DHX33: variants seen among roughly 807,000 people sequenced by gnomAD.
DHX33 encodes the protein ATP-dependent RNA helicase DHX33.
A neutral mutation model predicts 72.5 loss-of-function variants in DHX33; 42 were observed. That is an observed-to-expected ratio of 0.58 (90% CI 0.45 to 0.75). The LOEUF is 0.75. Among genes scored for constraint, DHX33 ranks in the 30% least tolerant of loss-of-function variants. The pLI is 0.00. For missense variants in DHX33, 842 were observed against 917.5 expected (o/e 0.92, Z 1.06); for synonymous variants, 358 against 366.1 (o/e 0.98, Z 0.25).
rs1398611635 is a variant in DHX33 at position 5,444,200 on chromosome 17, G to A, written c.*5C>T. On this transcript the variant is annotated 3_prime_UTR_variant, in exon 12 of 12. Transcript: ENST00000225296. This position sits in a 1 kb window ranked among gnomAD's most constrained non-coding sequence, Gnocchi z 4.9. ...CCAGTGATTCTGGCGGCATCCTGGG[G>A]CGGCTCAGTTTCTGGCGGTTCTCAG... The A allele has an allele frequency of 1.2e-6, 2 of 1,610,170 alleles. No homozygotes were observed. The highest frequency in any genetic ancestry group is 1.7e-6 in the Non-Finnish European group (2 of 1,176,910).
chr17:5,453,634 C>T lies in DHX33; in HGVS notation c.1342G>A (p.Ala448Thr), dbSNP rs1055288117. 5.6e-6 allele frequency: 9 copies of T among 1,614,044 alleles called. No homozygotes were observed. Among genetic ancestry groups the T allele is most frequent in the Admixed American group, 5.0e-5 (3 of 59,992 alleles). The change falls in exon 8 of 12, where the codon GCA becomes ACA. Residue 448 changes from alanine to threonine, a missense_variant. Transcript: ENST00000225296. The part of the protein sequence containing the change: ...NLASVMLQLL[A>T]MKVPNVLTFD... ...GTGAGCACATTTGGGACTTTCATTG[C>T]TAGAAGCTGAAGCATCACACTGGCC...
rs1567598009 is a variant in DHX33 at position 5,450,135 on chromosome 17, A to G, written c.1728+68T>C. On this transcript the variant is annotated intron_variant, in intron 10 of 11. Transcript: ENST00000225296. Reference sequence around the variant, plus strand: ...AGCGTACTTTTTGCACGGCTTCAGTAGAAAAAGGGAAGCACATAGCAGAGA... The same window carrying G: ...AGCGTACTTTTTGCACGGCTTCAGTGGAAAAAGGGAAGCACATAGCAGAGA... The G allele has an allele frequency of 3.2e-6, 5 of 1,575,654 alleles. No individual in the cohort carries two copies. The East Asian group carries it at 1.1e-4, about 36-fold the overall frequency.
At chr17:5,455,856 C>T (rs925205481) in intron 5 of DHX33, 141 bp downstream of exon 5, 1 of 861,786 alleles carries the variant, frequency 1.2e-6, no homozygotes, top group Non-Finnish European at 1.8e-6. Context: ...TTTATTCCTG[C>T]ACCTCCTCAG....
rs1170744011 is a variant in DHX33, at chr17:5,456,178, G to A, written c.854C>T (p.Ala285Val). ...LVSVFQIHQE[A>V]PSSQDILVFL... ...CACCAGGATGTCCTGTGAAGAAGGG[G>A]CTTCCTGTAAAAAAAGTAGAGTGGG... The change falls in exon 5 of 12, where the codon GCC becomes GTC. Residue 285 changes from alanine (A) to valine (V), a missense_variant. Transcript: ENST00000225296. The A allele has an allele frequency of 6.2e-7, 1 of 1,613,506 alleles. No individual in the cohort carries two copies. The highest frequency in any genetic ancestry group is 1.3e-5 in the African/African-American group (1 of 75,034).
chr17:5,453,212 G>C (rs577551693), intron 8 of DHX33, among the ~76,000 whole-genome samples: 1 of 152,140 alleles, frequency 6.6e-6, no homozygotes, highest in Non-Finnish European at 1.5e-5. Flanking sequence ...TTTATTGATG[G>C]TGCTGATAGT....
chr17:5,453,977 C>A lies in DHX33; in HGVS notation c.1151G>T (p.Ser384Ile), dbSNP rs780927551. The change falls in exon 7 of 12, where the codon AGT becomes ATT. Residue 384 changes from serine (S) to isoleucine (I), a missense_variant. By Grantham distance (142) the Ser-to-Ile change is moderately radical (BLOSUM62 -2). Coordinates refer to ENST00000225296, the MANE Select transcript of DHX33 (RefSeq NM_020162.4). ...MVKAKKYNPD[S>I]GLEVLAVQRV... The stretch of plus-strand genomic sequence containing the variant: ...CTGCACTGCTAACACCTCAAGACCA[C>A]TGTCTGGATGGAGAGTGAGCCCCAT... 6.2e-7 allele frequency: 1 copy of A among 1,613,418 alleles called. No homozygotes were observed.
At chr17:5,452,750 C>G (rs142106144) in intron 8 of DHX33, among the ~76,000 whole-genome samples, 1 of 152,068 alleles carries the variant, frequency 6.6e-6, no homozygotes, top group African/African-American at 2.4e-5. Context: ...TAAATAAAAT[C>G]AAACACACTA....
intron 3 of DHX33, among the ~76,000 whole-genome samples, chr17:5,461,838 C>T (rs912178684): frequency 4.0e-5 from 6 of 150,434 alleles, no homozygotes; most frequent in Non-Finnish European, 5.9e-5. Context: ...CGTGAGCCAC[C>T]GTGCCGGGCC....
At chr17:5,452,508 C>A (rs1916982520) in intron 8 of DHX33, among the ~76,000 whole-genome samples, 1 of 152,056 alleles carries the variant, frequency 6.6e-6, no homozygotes. Flanking sequence ...CCACTGCACT[C>A]CAGCCTGGGC....
chr17:5,444,734 C>A lies in DHX33; in HGVS notation c.1816-221G>T, dbSNP rs545735982. Among the ~76,000 whole-genome samples the A allele has an allele frequency of 6.6e-6, 1 of 152,294 alleles. No individual in the cohort carries two copies. Among genetic ancestry groups the A allele is most frequent in the South Asian group, 2.1e-4 (1 of 4,824 alleles). On this transcript the variant is annotated intron_variant, in intron 11 of 11. Transcript: ENST00000225296. This position sits in a 1 kb window ranked among gnomAD's most constrained non-coding sequence, Gnocchi z 4.9. The stretch of plus-strand genomic sequence containing the variant: ...CACGGACCAGAAACAGGGAAACTAC[C>A]GCCTGTGAAGGTAGGGCTGGGAGGG...
At chr17:5,447,793 C>T in intron 11 of DHX33, among the ~76,000 whole-genome samples, 1 of 152,168 alleles carries the variant, frequency 6.6e-6, no homozygotes, top group Non-Finnish European at 1.5e-5. Flanking sequence ...AAATAAACTG[C>T]ACTGAATACA....
In DHX33 at chr17:5,442,460, G is replaced by A. The variant is rs868577456; in HGVS notation, c.*1745C>T. The A allele has an allele frequency of 6.6e-6, 1 of 152,102 alleles. No individual in the cohort carries two copies. Among genetic ancestry groups the A allele is most frequent in the Middle Eastern group, 3.2e-3 (1 of 316 alleles). 9.4% of individuals were successfully genotyped at this position (152,102 alleles called of 1,614,324 possible). On this transcript the variant is annotated 3_prime_UTR_variant, in exon 12 of 12. Transcript: ENST00000225296. ...AAGTTTAAGAATTCAGTAAGATAAGGTATATAGGAGCTGTCAGATCTTCTT... is the reference window on the plus strand; with the variant it reads ...AAGTTTAAGAATTCAGTAAGATAAGATATATAGGAGCTGTCAGATCTTCTT...
Position 5,455,241 on chromosome 17 carries a change from T to C in DHX33, c.1066A>G (p.Ile356Val), listed in dbSNP as rs557772586. 21 of 1,614,216 alleles carry C rather than the reference T, an allele frequency of 1.3e-5. No individual in the cohort carries two copies. In the South Asian group the frequency reaches 2.2e-4, roughly 17 times the overall value. Reference sequence around the variant, plus strand: ...GTAATGGTTATGGAGGTTTCAGCGATGTTGGTTGAAATGATCACTTTGCGA... The same window carrying C: ...GTAATGGTTATGGAGGTTTCAGCGACGTTGGTTGAAATGATCACTTTGCGA... ...GYRKVIISTN[I>V]AETSITITGI... The change falls in exon 6 of 12, where the codon ATC becomes GTC. Residue 356 changes from isoleucine to valine, a missense_variant. Ile to Val is a conservative substitution (Grantham distance 29). Coordinates refer to ENST00000225296, the MANE Select transcript of DHX33 (RefSeq NM_020162.4).
At position 5,463,642 on chromosome 17, in the gene DHX33, CAT is replaced by C; in HGVS notation, c.335_336del (p.Tyr112Ter). 1 of 1,613,806 alleles carries C rather than the reference CAT, an allele frequency of 6.2e-7. No homozygotes were observed. The highest frequency in any genetic ancestry group is 8.5e-7 in the Non-Finnish European group (1 of 1,179,984). On this transcript the variant is annotated frameshift_variant, in exon 2 of 12. Coordinates refer to ENST00000225296, the MANE Select transcript of DHX33 (RefSeq NM_020162.4). LOFTEE classifies it high-confidence loss of function. ...ATGCCCTGGCGGCTGATCCCTCCTT[CAT>C]ACAGGTACTGAGGGATCTGAGTTGT... is the stretch of plus-strand genomic sequence containing the variant. ...GKTTQIPQYLYEGGISRQGII... is the reference protein window; with the variant it reads ...GKTTQIPQYLXEGGISRQGII...
chr17:5,459,041 TA>T (rs912045314), intron 4 of DHX33, among the ~76,000 whole-genome samples: 17 of 150,700 alleles, frequency 1.1e-4, no homozygotes, highest in Non-Finnish European at 2.1e-4. Context: ...CTACAAAACA[TA>T]AAAAAAAATT....
chr17:5,456,603 A>G (rs1044571171), intron 4 of DHX33, among the ~76,000 whole-genome samples: 10 of 152,218 alleles, frequency 6.6e-5, no homozygotes, highest in Non-Finnish European at 1.5e-4. Context: ...ACAAAAAACA[A>G]AACTGTAATA....
chr17:5,450,436 C>T, intron 9 of DHX33, 30 bp from the exon 10 acceptor site: 1 of 1,606,388 alleles, frequency 6.2e-7, no homozygotes, highest in Non-Finnish European at 8.5e-7. Flanking sequence ...ATTGTGTAAA[C>T]CCAGCTTTCT....
chr17:5,444,481 G>T lies in DHX33; in HGVS notation c.1848C>A (p.Asp616Glu), dbSNP rs147414979. The T allele has an allele frequency of 6.2e-6, 10 of 1,614,110 alleles. No individual in the cohort carries two copies. The African/African-American group carries it at 1.3e-4, about 22-fold the overall frequency. The change falls in exon 12 of 12, where the codon GAC (aspartate) becomes GAA (glutamate). Residue 616 changes from aspartate to glutamate, a missense_variant. Asp to Glu is a conservative substitution (Grantham distance 45). Transcript: ENST00000225296. This position sits in a 1 kb window ranked among gnomAD's most constrained non-coding sequence, Gnocchi z 4.9. Reference sequence around the variant, plus strand: ...CCAGGCAGCGGCGGACACTCTCCACGTCTCCTCGGGATGATGCGATTGGCA... The same window carrying T: ...CCAGGCAGCGGCGGACACTCTCCACTTCTCCTCGGGATGATGCGATTGGCA... ...MSMPIASSRG[D>E]VESVRRCLAH...
chr17:5,460,383 C>A (rs1047620348), intron 4 of DHX33, among the ~76,000 whole-genome samples: 8 of 152,120 alleles, frequency 5.3e-5, no homozygotes, highest in Non-Finnish European at 1.0e-4. Flanking sequence ...TGAAAATTTT[C>A]TGGCTCAGTG....
Sources: allele counts gnomAD v4.1 joint callset (sites outside exome capture counted in the v4.1 genomes callset), GRCh38; gene constraint gnomAD v4.1.1; non-coding constraint Gnocchi (gnomAD v3.1); transcripts MANE v1.5; gene names NCBI Gene and HGNC (gene_info 2026-07-23, HGNC 2026-07-21).